The following LEMD3 variants were observed in gnomAD, a reference collection of about 807,000 sequenced individuals.
LEMD3 encodes the protein LEM domain containing 3.
A neutral mutation model predicts 95.2 loss-of-function variants in LEMD3; 33 were observed. That is an observed-to-expected ratio of 0.35 (90% CI 0.26 to 0.46). The LOEUF (loss-of-function observed/expected upper bound fraction) is 0.46, where lower values mean the gene tolerates loss of function less well. Among genes scored for constraint, LEMD3 ranks in the 20% least tolerant of loss-of-function variants. LEMD3 has a pLI of 1.00. For missense variants in LEMD3, 1,210 were observed against 1,192.8 expected (o/e 1.01, Z -0.21); for synonymous variants, 525 against 474.6 (o/e 1.11, Z -1.38).
intron 4 of LEMD3, among the ~76,000 whole-genome samples, chr12:65,220,690 A>G (rs565435607): frequency 3.7e-4 from 57 of 152,254 alleles, no homozygotes; most frequent in Non-Finnish European, 6.5e-4. Flanking sequence ...TCAAGAAGTT[A>G]TATAGTTTCA....
chr12:65,186,406 TTA>T (rs1258759626), intron 1 of LEMD3, among the ~76,000 whole-genome samples: 1 of 152,042 alleles, frequency 6.6e-6, no homozygotes, highest in Non-Finnish European at 1.5e-5. Context: ...TAGCTATAAA[TTA>T]TATTAATGCC....
chr12:65,169,971 C>G lies in LEMD3; in HGVS notation c.375C>G (p.Ala125=). The change falls in exon 1 of 13, where the codon GCC becomes GCG. Residue 125 remains alanine (A), a synonymous_variant. Transcript: ENST00000308330. ...PESLLGGPGG[A]SAAPAAGSKV... is the part of the protein sequence containing the mutation. ...GCCTCCTGGGAGGGCCCGGGGGCGC[C>G]TCCGCCGCCCCCGCGGCTGGCAGCA... 6.8e-7 allele frequency: 1 copy of G among 1,464,440 alleles called. No individual in the cohort carries two copies. Among genetic ancestry groups the G allele is most frequent in the East Asian group, 2.6e-5 (1 of 38,032 alleles). The allele number at this position is 1,464,440 out of a possible 1,614,324, so 90.7% of individuals were successfully genotyped here.
At chr12:65,209,609 C>G (rs1869871749) in intron 1 of LEMD3, among the ~76,000 whole-genome samples, 2 of 152,020 alleles carry the variant, frequency 1.3e-5, no homozygotes, top group South Asian at 4.2e-4. Context: ...TTTCTTCTCC[C>G]TATTCCCCTT....
rs1395172278 is a variant in LEMD3 at position 65,170,125 on chromosome 12, C to G, written c.529C>G (p.Leu177Val). ...YRGLKAPPAP[L>V]AASEVTNSNS... The stretch of plus-strand genomic sequence containing the variant: ...CGGGCTCAAAGCGCCGCCGGCGCCC[C>G]TGGCCGCCAGCGAGGTGACTAACAG... Residue 177 changes from leucine (L) to valine (V), a missense_variant, in exon 1 of 13, where the codon CTG (leucine) becomes GTG (valine). Transcript: ENST00000308330. The G allele has an allele frequency of 1.6e-5, 24 of 1,461,304 alleles. No individual in the cohort carries two copies. Among genetic ancestry groups the G allele is most frequent in the Non-Finnish European group, 2.1e-5 (23 of 1,112,548 alleles). 90.5% of individuals were successfully genotyped at this position (1,461,304 alleles called of 1,614,324 possible).
intron 8 of LEMD3, chr12:65,240,556 C>T: frequency 2.4e-6 from 1 of 410,718 alleles, no homozygotes; most frequent in Non-Finnish European, 4.3e-6. Context: ...TGGTGTTTTA[C>T]TAATGTTTTT....
intron 1 of LEMD3, among the ~76,000 whole-genome samples, chr12:65,191,390 A>G (rs759284005): frequency 2.0e-5 from 3 of 152,162 alleles, no homozygotes; most frequent in Non-Finnish European, 4.4e-5. Context: ...ATGACTGGTA[A>G]CATCATAACA....
chr12:65,214,902 A>G (rs567479658), intron 2 of LEMD3, among the ~76,000 whole-genome samples: 1 of 152,208 alleles, frequency 6.6e-6, no homozygotes, highest in South Asian at 2.1e-4. Flanking sequence ...GCTTTAGACT[A>G]CTTGGCAGGT....
intron 1 of LEMD3, among the ~76,000 whole-genome samples, chr12:65,179,753 T>G (rs886263738): frequency 3.3e-5 from 5 of 152,210 alleles, no homozygotes; most frequent in Non-Finnish European, 7.3e-5. Context: ...CCTGCACATG[T>G]ATCCCAGAAC....
At chr12:65,233,934 G>A (rs1870703272) in intron 4 of LEMD3, among the ~76,000 whole-genome samples, 1 of 152,032 alleles carries the variant, frequency 6.6e-6, no homozygotes, top group Non-Finnish European at 1.5e-5. Flanking sequence ...TTAAGATTTG[G>A]GAAAATATAC....
At chr12:65,180,010 T>C (rs1223660974) in intron 1 of LEMD3, among the ~76,000 whole-genome samples, 8 of 152,150 alleles carry the variant, frequency 5.3e-5, no homozygotes, top group Admixed American at 5.2e-4. Context: ...AGTGGTGCAA[T>C]ATCGGCTCAC....
chr12:65,242,391 A>C (rs548515239), intron 9 of LEMD3, among the ~76,000 whole-genome samples: 1 of 152,248 alleles, frequency 6.6e-6, no homozygotes, highest in South Asian at 2.1e-4. Flanking sequence ...GATAACTCCC[A>C]AATTTTTTAT....
At chr12:65,242,266 T>G (rs1168319972) in intron 9 of LEMD3, among the ~76,000 whole-genome samples, 1 of 152,192 alleles carries the variant, frequency 6.6e-6, no homozygotes, top group South Asian at 2.1e-4. Context: ...TTTTCTAGAT[T>G]ATCCTCTTTT....
intron 2 of LEMD3, among the ~76,000 whole-genome samples, chr12:65,214,405 A>G (rs1035292291): frequency 2.2e-4 from 34 of 152,228 alleles, no homozygotes; most frequent in African/African-American, 7.2e-4. Flanking sequence ...GCAAAAATAT[A>G]TATATATACG....
At chr12:65,190,975 C>G (rs1485401088) in intron 1 of LEMD3, among the ~76,000 whole-genome samples, 9 of 152,102 alleles carry the variant, frequency 5.9e-5, no homozygotes, top group Admixed American at 5.2e-4. Flanking sequence ...CAAAGCACAA[C>G]ATTGCAGAAT....
At chr12:65,228,885 G>T (rs1260507018) in intron 4 of LEMD3, among the ~76,000 whole-genome samples, 1 of 152,128 alleles carries the variant, frequency 6.6e-6, no homozygotes, top group Non-Finnish European at 1.5e-5. Flanking sequence ...ATAATAAATT[G>T]TTAATTATAG....
At chr12:65,172,941 T>TCTGG (rs1414943139) in intron 1 of LEMD3, among the ~76,000 whole-genome samples, 1 of 152,042 alleles carries the variant, frequency 6.6e-6, no homozygotes, top group African/African-American at 2.4e-5. Context: ...TGTTAGCAGA[T>TCTGG]CTGGCCATTT....
chr12:65,220,553 A>G (rs749678560), intron 4 of LEMD3, among the ~76,000 whole-genome samples: 1 of 151,680 alleles, frequency 6.6e-6, no homozygotes, highest in Non-Finnish European at 1.5e-5. Flanking sequence ...TTTTTACTGC[A>G]CATATGCTTT....
chr12:65,193,924 A>C (rs1270086342), intron 1 of LEMD3, among the ~76,000 whole-genome samples: 2 of 152,140 alleles, frequency 1.3e-5, no homozygotes, highest in Admixed American at 1.3e-4. Context: ...TAGTAAAGAT[A>C]ACAAACTTAT....
chr12:65,212,044 T>G (rs1869953954), intron 2 of LEMD3, among the ~76,000 whole-genome samples: 1 of 152,052 alleles, frequency 6.6e-6, no homozygotes, highest in African/African-American at 2.4e-5. Context: ...GAGGTTTAAT[T>G]GACTCACAGT....
Sources: gnomAD v4.1 joint callset for allele counts (sites outside exome capture counted in the v4.1 genomes callset) on GRCh38, gnomAD v4.1.1 for gene constraint, MANE v1.5 for transcripts, NCBI Gene and HGNC (gene_info 2026-07-23, HGNC 2026-07-21) for gene names.